The following PPFIBP1 variants were observed in gnomAD, a reference collection of about 807,000 sequenced individuals.
PPFIBP1 encodes liprin-beta-1.
PPFIBP1 carries 112 observed loss-of-function variants against 137.8 expected under a neutral mutation model. That is an observed-to-expected ratio of 0.81 (90% CI 0.70 to 0.95). The LOEUF (loss-of-function observed/expected upper bound fraction) is 0.95. Among genes scored for constraint, PPFIBP1 ranks in the 40% least tolerant of loss-of-function variants. The probability of loss-of-function intolerance (pLI) is 0.00; values close to 1 mark genes in which losing one functional copy is unlikely to be tolerated. For synonymous variants in PPFIBP1, 378 were observed against 417.3 expected, an observed-to-expected ratio of 0.91 and a Z score of 1.15; for missense variants, 1,083 against 1,196.6, an observed-to-expected ratio of 0.91 and a Z score of 1.40.
intron 2 of PPFIBP1, among the ~76,000 whole-genome samples, chr12:27,606,080 A>G (rs1276784915): frequency 6.6e-6 from 1 of 152,212 alleles, no homozygotes; most frequent in African/African-American, 2.4e-5. Context: ...ATAAGAAAGG[A>G]TTAATAATTA....
chr12:27,629,234 G>T (rs185277968), intron 2 of PPFIBP1, among the ~76,000 whole-genome samples: 1 of 152,300 alleles, frequency 6.6e-6, no homozygotes, highest in Non-Finnish European at 1.5e-5. Flanking sequence ...AACAATGAGT[G>T]GTTCCTTCCC....
At chr12:27,672,891 A>G (rs1593288460) in intron 15 of PPFIBP1, among the ~76,000 whole-genome samples, 1 of 152,164 alleles carries the variant, frequency 6.6e-6, no homozygotes, top group Non-Finnish European at 1.5e-5. Flanking sequence ...GAACTGACCT[A>G]ATATCTGTGT....
chr12:27,655,341 T>C (rs1484659501), intron 8 of PPFIBP1: 7 of 768,918 alleles, frequency 9.1e-6, no homozygotes, highest in Non-Finnish European at 1.5e-5. Context: ...TCTGTGTGTG[T>C]GTCACCTGTT....
intron 10 of PPFIBP1, among the ~76,000 whole-genome samples, chr12:27,660,197 G>A (rs1054648033): frequency 7.9e-5 from 12 of 152,100 alleles, no homozygotes; most frequent in Admixed American, 5.9e-4. Flanking sequence ...AGGCCCTGGA[G>A]TGACTTTTCA....
intron 14 of PPFIBP1, 73 bp downstream of exon 14, chr12:27,671,619 T>A: frequency 7.3e-6 from 7 of 961,866 alleles, no homozygotes; most frequent in Non-Finnish European, 1.1e-5. Context: ...ATGTATTGCA[T>A]TTATTTACAG....
intron 1 of PPFIBP1, among the ~76,000 whole-genome samples, chr12:27,570,781 C>G (rs1009614614): frequency 6.6e-6 from 1 of 151,938 alleles, no homozygotes; most frequent in Non-Finnish European, 1.5e-5. Flanking sequence ...GTTGTGGTGG[C>G]GGGCGCCTGT....
chr12:27,545,290 G>A (rs552696543), intron 1 of PPFIBP1, among the ~76,000 whole-genome samples: 1 of 152,130 alleles, frequency 6.6e-6, no homozygotes, highest in Non-Finnish European at 1.5e-5. Context: ...TGTAGATGAC[G>A]GGTTGATGGG....
chr12:27,669,868 C>G (rs944913850), intron 13 of PPFIBP1, among the ~76,000 whole-genome samples: 1 of 152,164 alleles, frequency 6.6e-6, no homozygotes, highest in Non-Finnish European at 1.5e-5. Context: ...TGTTCCCGGT[C>G]CAGTACATTC....
rs575982119 is a variant in PPFIBP1 at position 27,535,899 on chromosome 12, G to C, written c.-124+11534G>C. Among the ~76,000 whole-genome samples, 3 of 152,334 alleles carry C rather than the reference G, an allele frequency of 2.0e-5. No homozygotes were observed. In the East Asian group the frequency reaches 5.8e-4, roughly 29 times the overall value. On this transcript the variant is annotated intron_variant, in intron 1 of 29. Coordinates refer to ENST00000228425, the MANE Select transcript of PPFIBP1 (RefSeq NM_003622.4). The stretch of plus-strand genomic sequence containing the variant: ...TATGATGTGTAATGAAAGACTGAAA[G>C]GAGAAGCAACTATGAGTTGCCTTAT...
chr12:27,539,506 T>G (rs183458328), intron 1 of PPFIBP1, among the ~76,000 whole-genome samples: 1 of 152,316 alleles, frequency 6.6e-6, no homozygotes, highest in Non-Finnish European at 1.5e-5. Flanking sequence ...CCAAAACCTG[T>G]TTTGATACGT....
chr12:27,681,557 T>A lies in PPFIBP1; in HGVS notation c.1907T>A (p.Met636Lys). 1 of 1,614,126 alleles carries A rather than the reference T, an allele frequency of 6.2e-7. No homozygotes were observed. The highest frequency in any genetic ancestry group is 8.5e-7 in the Non-Finnish European group (1 of 1,179,956). The change falls in exon 22 of 30, where the codon ATG (methionine) becomes AAG (lysine). Residue 636 changes from methionine (M) to lysine (K), a missense_variant. Physicochemically the swap from Met to Lys is moderately conservative, Grantham distance 95 (BLOSUM62 -1). Coordinates refer to ENST00000228425, the MANE Select transcript of PPFIBP1 (RefSeq NM_003622.4). ...TCATTTTCCTGTAGTGACTTGGATA[T>A]GCCATTTGCCAAGTGGACCAAGGAG... ...DLGQSNSDLD[M>K]PFAKWTKEQV...
At chr12:27,692,113 A>G (rs551685265) in intron 28 of PPFIBP1, among the ~76,000 whole-genome samples, 185 bp downstream of exon 28, 11 of 152,336 alleles carry the variant, frequency 7.2e-5, no homozygotes, top group Admixed American at 6.5e-4. Flanking sequence ...AATGCATACT[A>G]TGTTTATGGT....
chr12:27,653,585 T>C (rs2059012676), intron 7 of PPFIBP1, among the ~76,000 whole-genome samples: 1 of 18,186 alleles, frequency 5.5e-5, no homozygotes, highest in Non-Finnish European at 1.2e-4. Flanking sequence ...AGACTCCATC[T>C]TAAAAAAAAA....
intron 5 of PPFIBP1, among the ~76,000 whole-genome samples, chr12:27,646,616 A>T (rs187296514): frequency 5.9e-5 from 9 of 152,266 alleles, no homozygotes; most frequent in African/African-American, 1.9e-4. Context: ...ACATCTGAAT[A>T]TATGTAAGTT....
chr12:27,684,628 ATAATAC>A (rs1160466177), intron 24 of PPFIBP1, among the ~76,000 whole-genome samples: 2 of 152,168 alleles, frequency 1.3e-5, no homozygotes, highest in Non-Finnish European at 2.9e-5. Context: ...CCTGCGTGAA[ATAATAC>A]TAATATGTGT....
intron 1 of PPFIBP1, among the ~76,000 whole-genome samples, chr12:27,570,700 G>A (rs1048721339): frequency 2.6e-5 from 4 of 151,986 alleles, no homozygotes; most frequent in Non-Finnish European, 4.4e-5. Flanking sequence ...CATGAGGTCC[G>A]GAGATCGAGA....
intron 2 of PPFIBP1, among the ~76,000 whole-genome samples, chr12:27,619,234 G>T (rs2056094893): frequency 6.6e-6 from 1 of 152,030 alleles, no homozygotes; most frequent in Non-Finnish European, 1.5e-5. Context: ...CATCGAATTT[G>T]CCTATAACGT....
At chr12:27,655,506 A>G (rs1384239570) in intron 8 of PPFIBP1, among the ~76,000 whole-genome samples, 1 of 152,246 alleles carries the variant, frequency 6.6e-6, no homozygotes, top group Non-Finnish European at 1.5e-5. Flanking sequence ...AGCCTAGTAA[A>G]ATAATTGTAA....
At chr12:27,545,791 C>T (rs144341445) in intron 1 of PPFIBP1, among the ~76,000 whole-genome samples, 1 of 152,304 alleles carries the variant, frequency 6.6e-6, no homozygotes, top group East Asian at 1.9e-4. Context: ...TTCCTAGGAA[C>T]GGTTAGTGTG....
Sources: allele counts gnomAD v4.1 joint callset (sites outside exome capture counted in the v4.1 genomes callset), GRCh38; gene constraint gnomAD v4.1.1; transcripts MANE v1.5; gene names NCBI Gene and HGNC (gene_info 2026-07-23, HGNC 2026-07-21).